Variants in COL5A1 observed in about 807,000 individuals in gnomAD.
COL5A1 encodes collagen type V alpha 1 chain, also known as collagen alpha-1(V) chain.
A neutral mutation model predicts 263.7 loss-of-function variants in COL5A1; 16 were observed. The observed-to-expected ratio is 0.06, with a 90% CI of 0.04 to 0.09. COL5A1 has a LOEUF of 0.09. COL5A1 is among the 10% of genes least tolerant of loss of function. COL5A1 has a pLI of 1.00. For synonymous variants in COL5A1, 1,012 were observed against 1,004.5 expected (o/e 1.01, Z -0.14); for missense variants, 2,036 against 2,540.5 (o/e 0.80, Z 4.27).
At chr9:134,739,213 G>A (rs1835213583) in intron 11 of COL5A1, among the ~76,000 whole-genome samples, 1 of 152,248 alleles carries the variant, frequency 6.6e-6, no homozygotes, top group Admixed American at 6.5e-5. Context: ...GGTCTGGGTT[G>A]CACCTGGCTC....
chr9:134,699,540 T>A (rs898324171), intron 2 of COL5A1, among the ~76,000 whole-genome samples: 1 of 137,226 alleles, frequency 7.3e-6, no homozygotes, highest in Non-Finnish European at 1.6e-5. Flanking sequence ...CTAAGACACC[T>A]CAGAAGCAGC....
intron 11 of COL5A1, among the ~76,000 whole-genome samples, chr9:134,744,060 A>G (rs532577417): frequency 1.3e-5 from 2 of 152,298 alleles, no homozygotes; most frequent in South Asian, 4.1e-4. Flanking sequence ...CAGAGTGAGC[A>G]AGTCCACTCA....
intron 1 of COL5A1, among the ~76,000 whole-genome samples, chr9:134,644,588 G>A (rs1401772811): frequency 2.3e-5 from 3 of 128,462 alleles, no homozygotes; most frequent in South Asian, 2.4e-4. Flanking sequence ...AGAGGCAGGC[G>A]CGGGGGGGAG....
rs955493186 is a variant in COL5A1 at position 134,835,020 on chromosome 9, C to A, written c.5186C>A (p.Thr1729Asn). ...EGNPVGVVQM[T>N]FLRLLSASAH... ...AACCCTGTGGGTGTGGTACAGATGA[C>A]CTTCCTGCGGCTGCTGAGCGCCTCT... The change falls in exon 65 of 66, where the codon ACC becomes AAC. Residue 1729 changes from threonine (T) to asparagine (N), a missense_variant. Thr to Asn is a moderately conservative substitution (Grantham distance 65). Transcript: ENST00000371817. 2.5e-6 allele frequency: 4 copies of A among 1,613,678 alleles called. No individual in the cohort carries two copies. Among genetic ancestry groups the A allele is most frequent in the South Asian group, 2.2e-5 (2 of 91,078 alleles).
At chr9:134,823,218 A>C (rs958428111) in intron 60 of COL5A1, among the ~76,000 whole-genome samples, 185 bp downstream of exon 60, 5 of 152,168 alleles carry the variant, frequency 3.3e-5, no homozygotes, top group African/African-American at 9.7e-5. Context: ...CGCCTGCCCT[A>C]GGAAGGGCTC....
intron 65 of COL5A1, among the ~76,000 whole-genome samples, chr9:134,839,776 T>C (rs958910478): frequency 6.6e-6 from 1 of 152,066 alleles, no homozygotes; most frequent in Non-Finnish European, 1.5e-5. Context: ...CCCTGGAGGG[T>C]GTGGATGGCC....
At chr9:134,649,461 G>A (rs780092832) in intron 1 of COL5A1, 40 of 469,508 alleles carry the variant, frequency 8.5e-5, no homozygotes, top group Non-Finnish European at 1.6e-4. Context: ...CTCTGCCCAT[G>A]AAATGGAAGC....
chr9:134,690,750 C>G (rs1166513059), intron 1 of COL5A1, among the ~76,000 whole-genome samples, 162 bp from the exon 2 acceptor site: 3 of 152,186 alleles, frequency 2.0e-5, no homozygotes, highest in Non-Finnish European at 4.4e-5. Flanking sequence ...TGGTGCCCTG[C>G]CTCGCCCAGC....
chr9:134,834,998 C>T lies in COL5A1; in HGVS notation c.5164C>T (p.Pro1722Ser). The change falls in exon 65 of 66, where the codon CCT becomes TCT. Residue 1722 changes from proline to serine, a missense_variant. Around this residue, in one of 3 missense-constraint regions of COL5A1, gnomAD observed 358 missense variants for 384.6 expected, o/e 0.93. Coordinates refer to ENST00000371817, the MANE Select transcript of COL5A1 (RefSeq NM_000093.5). ...CTCCTATGTGGACGCCGAGGGCAACCCTGTGGGTGTGGTACAGATGACCTT... is the reference window on the plus strand; with the variant it reads ...CTCCTATGTGGACGCCGAGGGCAACTCTGTGGGTGTGGTACAGATGACCTT... ...LLSYVDAEGN[P>S]VGVVQMTFLR... is the part of the protein sequence containing the mutation. 6.2e-7 allele frequency: 1 copy of T among 1,613,750 alleles called. No individual in the cohort carries two copies. The highest frequency in any genetic ancestry group is 8.5e-7 in the Non-Finnish European group (1 of 1,180,022).
At chr9:134,829,623 G>A (rs781319169) in intron 63 of COL5A1, among the ~76,000 whole-genome samples, 8 of 144,692 alleles carry the variant, frequency 5.5e-5, no homozygotes, top group Non-Finnish European at 7.5e-5. Context: ...ATCCTCACGC[G>A]GCCTCCAGTC....
At chr9:134,829,701 T>A (rs1468959504) in intron 63 of COL5A1, among the ~76,000 whole-genome samples, 1 of 151,580 alleles carries the variant, frequency 6.6e-6, no homozygotes, top group Non-Finnish European at 1.5e-5. Context: ...GGGGCCCGGC[T>A]CCTCACGTGG....
intron 64 of COL5A1, 44 bp downstream of exon 64, chr9:134,830,088 G>T (rs767495961): frequency 1.2e-6 from 2 of 1,613,336 alleles, no homozygotes; most frequent in Non-Finnish European, 1.7e-6. Flanking sequence ...CTTTAAACCC[G>T]CCCATCTCGT....
At position 134,716,007 on chromosome 9, in the gene COL5A1, A is replaced by G. The variant is rs1350715067; in HGVS notation, c.655-11259A>G. 1.3e-5 allele frequency among the ~76,000 whole-genome samples: 2 copies of G among 150,590 alleles called. No homozygotes were observed. Among genetic ancestry groups the G allele is most frequent in the African/African-American group, 4.9e-5 (2 of 40,992 alleles). ...GGTGGTGGTGGTGGTGGTGGTGGTG[A>G]TGATGTTAGTAGTGTGTTGGTTCTA... On this transcript the variant is annotated intron_variant, in intron 4 of 65. Coordinates refer to ENST00000371817, the MANE Select transcript of COL5A1 (RefSeq NM_000093.5). This position sits in a 1 kb window ranked among gnomAD's most constrained non-coding sequence, Gnocchi z 4.5.
chr9:134,707,894 A>T (rs4416898), intron 4 of COL5A1, among the ~76,000 whole-genome samples: 28 of 152,142 alleles, frequency 1.8e-4, no homozygotes, highest in African/African-American at 6.8e-4. Flanking sequence ...TTCCCGGCAC[A>T]CAGGCGGGCG....
rs780336037 is a variant in COL5A1 at position 134,811,323 on chromosome 9, G to C, written c.3529-16G>C. On this transcript the variant is annotated splice_polypyrimidine_tract_variant and intron_variant, in intron 44 of 65. Coordinates refer to ENST00000371817, the MANE Select transcript of COL5A1 (RefSeq NM_000093.5). ...GATCCAAGAAGCTACCTATGTCTCT[G>C]TCTTGTTCCCCGCAGGGTCCTCCTG... The C allele has an allele frequency of 5.6e-6, 9 of 1,613,822 alleles. No homozygotes were observed. Among genetic ancestry groups the C allele is most frequent in the Non-Finnish European group, 6.8e-6 (8 of 1,179,732 alleles).
At chr9:134,808,732 T>TTG (rs999068734) in intron 42 of COL5A1, among the ~76,000 whole-genome samples, 101 of 152,264 alleles carry the variant, frequency 6.6e-4, no homozygotes, top group Middle Eastern at 3.4e-3. Context: ...ATGCATGTCC[T>TTG]TGTGTGTGTG....
chr9:134,825,268 C>T (rs1008471355), intron 62 of COL5A1, among the ~76,000 whole-genome samples: 1 of 152,194 alleles, frequency 6.6e-6, no homozygotes, highest in African/African-American at 2.4e-5. Flanking sequence ...CGGCAGCAGA[C>T]GCTGTGCTTG....
intron 1 of COL5A1, among the ~76,000 whole-genome samples, chr9:134,654,764 G>C (rs1001972973): frequency 1.4e-5 from 2 of 143,790 alleles, no homozygotes; most frequent in African/African-American, 5.2e-5. Context: ...TGTGTGTAGG[G>C]CTTGTGGTGT....
chr9:134,759,556 TAC>T (rs1237792334), intron 18 of COL5A1, among the ~76,000 whole-genome samples: 1 of 94,476 alleles, frequency 1.1e-5, no homozygotes, highest in Admixed American at 1.2e-4. Context: ...CACACACTCA[TAC>T]ACACATGCAC....
Sources: gnomAD v4.1 joint callset for allele counts (sites outside exome capture counted in the v4.1 genomes callset) on GRCh38, gnomAD v4.1.1 for gene constraint, gnomAD v4.1.1 regional missense constraint, Gnocchi (gnomAD v3.1) non-coding constraint, MANE v1.5 for transcripts, NCBI Gene and HGNC (gene_info 2026-07-23, HGNC 2026-07-21) for gene names.